The following HYDIN variants were observed in gnomAD, a reference collection of about 807,000 sequenced individuals.
The protein encoded by HYDIN is axonemal central pair apparatus protein HYDIN.
In HYDIN, 132 loss-of-function variants were observed where a neutral mutation model predicts 403.9. That is an observed-to-expected ratio of 0.33 (90% CI 0.28 to 0.38). The LOEUF (loss-of-function observed/expected upper bound fraction) is 0.38. HYDIN is among the 10% of genes least tolerant of loss of function. HYDIN has a pLI of 1.00. For missense variants in HYDIN, 2,827 were observed against 5,009.5 expected (o/e 0.56, Z 13.15); for synonymous variants, 1,202 against 1,891.7 (o/e 0.64, Z 9.46).
intron 17 of HYDIN, among the ~76,000 whole-genome samples, 156 bp downstream of exon 17, chr16:71,062,013 C>A (rs1397187244): frequency 1.3e-5 from 2 of 152,140 alleles, no homozygotes; most frequent in Non-Finnish European, 1.5e-5. Context: ...TCACATAGCA[C>A]CGGTATTTTA....
chr16:71,112,190 CAAGT>C (rs1254709287), intron 10 of HYDIN, among the ~76,000 whole-genome samples: 2 of 152,118 alleles, frequency 1.3e-5, no homozygotes, highest in Non-Finnish European at 2.9e-5. Flanking sequence ...GCTAAACTGT[CAAGT>C]GAGTATGAAG....
chr16:70,807,761 G>A lies in HYDIN; in HGVS notation c.15185C>T (p.Thr5062Ile). The change falls in exon 86 of 86, where the codon ACC becomes ATC. Residue 5062 changes from threonine (T) to isoleucine (I), a missense_variant. Physicochemically the swap from Thr to Ile is moderately conservative, Grantham distance 89 (BLOSUM62 -1). Coordinates refer to ENST00000393567, the MANE Select transcript of HYDIN (RefSeq NM_001270974.2). ...CCGCACAGACTCTCCAGCGCGAATG[G>A]TGAAGGCTGGGTTATCCACGATGAT... ...FSIIVDNPAF[T>I]IRAGESVRPK... 4 of 1,614,168 alleles carry A rather than the reference G, an allele frequency of 2.5e-6. No individual in the cohort carries two copies. Among genetic ancestry groups the A allele is most frequent in the Non-Finnish European group, 3.4e-6 (4 of 1,180,026 alleles).
chr16:70,887,117 A>C (rs1392521832), intron 58 of HYDIN, among the ~76,000 whole-genome samples: 1 of 152,190 alleles, frequency 6.6e-6, no homozygotes, highest in East Asian at 1.9e-4. Flanking sequence ...ATAGACTTTC[A>C]AGGGACTCAA....
chr16:71,103,951 A>G (rs2144416534), intron 10 of HYDIN, among the ~76,000 whole-genome samples: 1 of 152,312 alleles, frequency 6.6e-6, no homozygotes, highest in African/African-American at 2.4e-5. Flanking sequence ...TCTCTCATTA[A>G]TCTTTCATAG....
chr16:70,818,647 G>C, intron 83 of HYDIN, 75 bp from the exon 84 acceptor site: 1 of 629,260 alleles, frequency 1.6e-6, no homozygotes, highest in South Asian at 1.8e-5. Flanking sequence ...CATTTTCAGA[G>C]CCTCCTTCTC....
chr16:70,846,167 T>C (rs2038189564), intron 75 of HYDIN, among the ~76,000 whole-genome samples: 1 of 147,486 alleles, frequency 6.8e-6, no homozygotes, highest in Non-Finnish European at 1.5e-5. Context: ...CTGCTTTCTC[T>C]TGTGGGCATT....
intron 62 of HYDIN, 114 bp from the exon 63 acceptor site, chr16:70,875,033 C>T: frequency 9.3e-7 from 1 of 1,079,972 alleles, no homozygotes; most frequent in Non-Finnish European, 1.3e-6. Context: ...GGTATTATGC[C>T]TAGTATTCAC....
intron 1 of HYDIN, among the ~76,000 whole-genome samples, chr16:71,188,852 T>C (rs1345230812): frequency 6.6e-6 from 1 of 152,196 alleles, no homozygotes; most frequent in Non-Finnish European, 1.5e-5. Flanking sequence ...AATTTGGTTA[T>C]ATATTAAAAG....
chr16:70,913,133 T>TTTAG (rs2076740147), intron 47 of HYDIN, among the ~76,000 whole-genome samples: 1 of 151,498 alleles, frequency 6.6e-6, no homozygotes, highest in Non-Finnish European at 1.5e-5. Flanking sequence ...TTCAATTTCA[T>TTTAG]TTAGTTCTGC....
intron 10 of HYDIN, among the ~76,000 whole-genome samples, chr16:71,098,809 T>A (rs905720590): frequency 6.7e-6 from 1 of 148,580 alleles, no homozygotes; most frequent in African/African-American, 2.5e-5. Context: ...TAGTTATTAA[T>A]TACTTCAAAG....
At chr16:70,892,680 G>T (rs1774424) in intron 55 of HYDIN, 151 bp from the exon 56 acceptor site, 23 of 568,178 alleles carry the variant, frequency 4.0e-5, no homozygotes, top group Non-Finnish European at 8.4e-6. Context: ...TGTACATCGT[G>T]ATCGCCTCTC....
At chr16:70,885,781 T>C (rs1273298387) in intron 58 of HYDIN, among the ~76,000 whole-genome samples, 7 of 151,894 alleles carry the variant, frequency 4.6e-5, no homozygotes, top group Non-Finnish European at 8.8e-5. Context: ...TATAGAAACA[T>C]ATGTAGAAAA....
intron 1 of HYDIN, among the ~76,000 whole-genome samples, chr16:71,210,203 T>C (rs551331350): frequency 6.6e-6 from 1 of 152,254 alleles, no homozygotes; most frequent in East Asian, 1.9e-4. Flanking sequence ...TAAAGACACA[T>C]GCACACGTAT....
At chr16:70,981,059 G>A (rs71403812) in intron 29 of HYDIN, among the ~76,000 whole-genome samples, 4,720 of 151,940 alleles carry the variant, frequency 0.031, 110 homozygotes, top group Non-Finnish European at 0.049. Context: ...GCATCTAGGA[G>A]AATGTCACAG....
At position 70,908,833 on chromosome 16, in the gene HYDIN, T is replaced by C; in HGVS notation, c.8033A>G (p.Lys2678Arg). 1 of 1,614,190 alleles carries C rather than the reference T, an allele frequency of 6.2e-7. No individual in the cohort carries two copies. Among genetic ancestry groups the C allele is most frequent in the Non-Finnish European group, 8.5e-7 (1 of 1,180,042 alleles). ...TTCTTTCATTTTCTGTTTGCCCCCC[T>C]TAGATGAGCTGGTCTGCTCCTCTTG... ...KAQEEQTSSS[K>R]GGKQKMKEKI... Residue 2678 changes from lysine (K) to arginine (R), a missense_variant, in exon 48 of 86, where the codon AAG becomes AGG. Physicochemically the swap from Lys to Arg is conservative, Grantham distance 26 (BLOSUM62 2). Coordinates refer to ENST00000393567, the MANE Select transcript of HYDIN (RefSeq NM_001270974.2).
At chr16:70,893,010 C>G (rs1394751099) in intron 55 of HYDIN, among the ~76,000 whole-genome samples, 1 of 152,166 alleles carries the variant, frequency 6.6e-6, no homozygotes, top group Non-Finnish European at 1.5e-5. Flanking sequence ...CAGGAAGAAG[C>G]TGGCTCATGA....
At chr16:71,188,048 G>A (rs573279914) in intron 1 of HYDIN, among the ~76,000 whole-genome samples, 14 of 152,252 alleles carry the variant, frequency 9.2e-5, no homozygotes, top group African/African-American at 2.2e-4. Flanking sequence ...CCCAGACTGC[G>A]TAAGAACTAT....
At chr16:70,813,261 A>G (rs1597016844) in intron 84 of HYDIN, among the ~76,000 whole-genome samples, 1 of 149,478 alleles carries the variant, frequency 6.7e-6, no homozygotes, top group Non-Finnish European at 1.5e-5. Context: ...TGTGGCTTCT[A>G]TTCTTGTGCA....
Position 70,862,124 on chromosome 16 carries a change from C to T in HYDIN, c.11701G>A (p.Val3901Met). Reference sequence around the variant, plus strand: ...ACTTTGAACTTCTGAATCTTCCCCACCGGCACGATTCCCGAAGAGGGCTCC... The same window carrying T: ...ACTTTGAACTTCTGAATCTTCCCCATCGGCACGATTCCCGAAGAGGGCTCC... The part of the protein sequence containing the change: ...SVEPSSGIVP[V>M]GKIQKFKVKF... Residue 3901 changes from valine to methionine, a missense_variant, in exon 69 of 86, where the codon GTG (valine) becomes ATG (methionine). Transcript: ENST00000393567. 2 of 1,612,218 alleles carry T rather than the reference C, an allele frequency of 1.2e-6. No individual in the cohort carries two copies. Among genetic ancestry groups the T allele is most frequent in the Non-Finnish European group, 1.7e-6 (2 of 1,179,236 alleles).
Sources: allele counts gnomAD v4.1 joint callset (sites outside exome capture counted in the v4.1 genomes callset), GRCh38; gene constraint gnomAD v4.1.1; transcripts MANE v1.5; gene names NCBI Gene and HGNC (gene_info 2026-07-23, HGNC 2026-07-21).